ADGRF1: variants seen among roughly 807,000 people sequenced by gnomAD.
ADGRF1 encodes adhesion G protein-coupled receptor F1.
Under a neutral mutation model 87.2 loss-of-function variants are expected in ADGRF1, and 85 were observed. That is an observed-to-expected ratio of 0.97 (90% CI 0.82 to 1.17). The LOEUF is 1.17. ADGRF1 is among the 50% of genes most tolerant of loss of function. The pLI, the probability that ADGRF1 is intolerant of heterozygous loss-of-function variation, is 0.00. For missense variants in ADGRF1, 1,169 were observed against 1,077.2 expected, an observed-to-expected ratio of 1.09 and a Z score of -1.19; for synonymous variants, 430 against 408.8, an observed-to-expected ratio of 1.05 and a Z score of -0.63.
chr6:47,009,167 A>T lies in ADGRF1; in HGVS notation c.2268T>A (p.Ala756=), dbSNP rs748797812. Residue 756 remains alanine (A), a synonymous_variant, in exon 11 of 15, where the codon GCT becomes GCA. Transcript: ENST00000371253. ...CTAGCAGCACCACAACGAAGTTCAC[A>T]GCCACAATAGCCAGTGCAGGGACAA... ...AFVVPALAIV[A]VNFVVVLLVL... The T allele has an allele frequency of 6.2e-7, 1 of 1,614,190 alleles. No individual in the cohort carries two copies. Among genetic ancestry groups the T allele is most frequent in the Admixed American group, 1.7e-5 (1 of 60,016 alleles).
intron 1 of ADGRF1, among the ~76,000 whole-genome samples, chr6:47,038,683 T>C (rs1274769810): frequency 6.6e-6 from 1 of 152,230 alleles, no homozygotes; most frequent in Non-Finnish European, 1.5e-5. Flanking sequence ...TAGAATTTAT[T>C]CCCCCTGTCT....
rs143147951 is a variant in ADGRF1, at chr6:47,009,111, C to T, written c.2324G>A (p.Gly775Glu). The T allele has an allele frequency of 3.1e-5, 50 of 1,613,990 alleles. No individual in the cohort carries two copies. The highest frequency in any genetic ancestry group is 4.0e-5 in the Non-Finnish European group (47 of 1,180,024). The stretch of plus-strand genomic sequence containing the variant: ...CTTGTCATCCCGACTCAGTCTTTCC[C>T]CAACAGTCGGCCTCCAGAGCTTTGT... ...VLTKLWRPTVGERLSRDDKAT... is the reference protein window; with the variant it reads ...VLTKLWRPTVEERLSRDDKAT... Residue 775 changes from glycine to glutamate, a missense_variant, in exon 11 of 15, where the codon GGG (glycine) becomes GAG (glutamate). Gly to Glu is a moderately conservative substitution (Grantham distance 98). Coordinates refer to ENST00000371253, the MANE Select transcript of ADGRF1 (RefSeq NM_153840.4).
chr6:47,037,874 G>A (rs1780634277), intron 1 of ADGRF1, among the ~76,000 whole-genome samples: 1 of 151,598 alleles, frequency 6.6e-6, no homozygotes. Context: ...GTTTGTTTGT[G>A]TTTTGAGACG....
chr6:47,008,281 C>G (rs1457116542), intron 11 of ADGRF1, among the ~76,000 whole-genome samples: 4 of 152,188 alleles, frequency 2.6e-5, no homozygotes, highest in African/African-American at 9.6e-5. Context: ...TCATCAAAAC[C>G]TAATGATTGC....
At chr6:47,031,005 C>T (rs1055745187) in intron 1 of ADGRF1, among the ~76,000 whole-genome samples, 2 of 152,138 alleles carry the variant, frequency 1.3e-5, no homozygotes, top group African/African-American at 2.4e-5. Context: ...TCAAGTGATC[C>T]GCCTGCTTCG....
At chr6:47,030,661 T>C (rs1220656124) in intron 1 of ADGRF1, among the ~76,000 whole-genome samples, 1 of 151,752 alleles carries the variant, frequency 6.6e-6, no homozygotes, top group East Asian at 1.9e-4. Context: ...ATTTTATTAG[T>C]AAATTGCTAT....
Position 47,001,481 on chromosome 6 carries a change from T to C in ADGRF1, c.2659+20A>G. Reference sequence around the variant, plus strand: ...ACTCTTTTCACACCTTTTATAACCTTTGGTTTTATTGTAACTCACCTTTGT... The same window carrying C: ...ACTCTTTTCACACCTTTTATAACCTCTGGTTTTATTGTAACTCACCTTTGT... On this transcript the variant is annotated intron_variant, in intron 14 of 14. Transcript: ENST00000371253. 1 of 1,607,850 alleles carries C rather than the reference T, an allele frequency of 6.2e-7. No individual in the cohort carries two copies.
At position 47,010,336 on chromosome 6, in the gene ADGRF1, G is replaced by T; in HGVS notation, c.1117-18C>A. On this transcript the variant is annotated intron_variant, in intron 10 of 14. Transcript: ENST00000371253. ...ATGACATCCTGAAACACAAGGATGA[G>T]AGTCAGTTTGTGTTTTTGAGTAAAC... 6.4e-7 allele frequency: 1 copy of T among 1,568,560 alleles called. No individual in the cohort carries two copies. The highest frequency in any genetic ancestry group is 8.6e-7 in the Non-Finnish European group (1 of 1,157,642).
chr6:47,036,187 G>T (rs757224436), intron 1 of ADGRF1, among the ~76,000 whole-genome samples: 10 of 152,038 alleles, frequency 6.6e-5, no homozygotes, highest in Middle Eastern at 3.4e-3. Context: ...CCAAGATCGC[G>T]CCACTGCACT....
chr6:47,025,990 T>C lies in ADGRF1; in HGVS notation c.141A>G (p.Glu47=). The C allele has an allele frequency of 2.5e-6, 4 of 1,602,420 alleles. No homozygotes were observed. Among genetic ancestry groups the C allele is most frequent in the Non-Finnish European group, 1.7e-6 (2 of 1,174,386 alleles). ...AGGTCACCTGAAGCAGCAGCTGATA[T>C]TCTTCGACTGGGCCTAAAGAGAGAA... ...NKKKHLGPVE[E]YQLLLQVTYR... Residue 47 remains glutamate (E), a synonymous_variant, in exon 4 of 15, where the codon GAA becomes GAG. Coordinates refer to ENST00000371253, the MANE Select transcript of ADGRF1 (RefSeq NM_153840.4).
At chr6:47,012,720 G>A (rs1582152066) in intron 9 of ADGRF1, 2 of 985,500 alleles carry the variant, frequency 2.0e-6, no homozygotes, top group East Asian at 1.1e-4. Flanking sequence ...AAACATACAT[G>A]GAGATTTGAC....
At chr6:47,025,341 C>T (rs753994383) in intron 4 of ADGRF1, among the ~76,000 whole-genome samples, 6 of 152,136 alleles carry the variant, frequency 3.9e-5, no homozygotes, top group Admixed American at 1.3e-4. Flanking sequence ...TTCCCTAATG[C>T]TGCTGCTGCT....
intron 1 of ADGRF1, among the ~76,000 whole-genome samples, chr6:47,038,454 T>G (rs1331716754): frequency 6.6e-6 from 1 of 152,214 alleles, no homozygotes; most frequent in Non-Finnish European, 1.5e-5. Context: ...ATTTTAAATT[T>G]TATTTTTAAT....
intron 1 of ADGRF1, among the ~76,000 whole-genome samples, chr6:47,030,300 C>T (rs1215294484): frequency 2.0e-5 from 3 of 152,166 alleles, no homozygotes; most frequent in Non-Finnish European, 2.9e-5. Context: ...TTTGAATTTA[C>T]CTTTTCCTTT....
intron 1 of ADGRF1, among the ~76,000 whole-genome samples, chr6:47,031,705 G>A (rs1053830945): frequency 5.9e-5 from 9 of 152,056 alleles, no homozygotes; most frequent in Non-Finnish European, 1.2e-4. Context: ...GGACAGGTCA[G>A]GCCCAGCTAT....
intron 11 of ADGRF1, among the ~76,000 whole-genome samples, chr6:47,008,280 C>T (rs905698361): frequency 1.3e-5 from 2 of 152,182 alleles, no homozygotes; most frequent in Non-Finnish European, 2.9e-5. Flanking sequence ...TTCATCAAAA[C>T]CTAATGATTG....
intron 8 of ADGRF1, among the ~76,000 whole-genome samples, chr6:47,015,581 T>TTTATTTATTTA: frequency 6.6e-6 from 1 of 151,156 alleles, no homozygotes; most frequent in African/African-American, 2.4e-5. Context: ...TGGCTATTTA[T>TTTATTTATTTA]TTATTTATTT....
intron 1 of ADGRF1, among the ~76,000 whole-genome samples, chr6:47,038,964 A>T (rs1780665779): frequency 6.6e-6 from 1 of 152,250 alleles, no homozygotes; most frequent in African/African-American, 2.4e-5. Flanking sequence ...AAAGGTGTTC[A>T]TGGAAAATAT....
At chr6:47,011,959 C>G (rs756834228) in intron 10 of ADGRF1, 48 bp downstream of exon 10, 1 of 1,539,060 alleles carries the variant, frequency 6.5e-7, no homozygotes, top group Admixed American at 1.7e-5. Flanking sequence ...ATTCCTCCTA[C>G]AGGATCAAGC....
Sources: allele counts gnomAD v4.1 joint callset (sites outside exome capture counted in the v4.1 genomes callset), GRCh38; gene constraint gnomAD v4.1.1; transcripts MANE v1.5; gene names NCBI Gene and HGNC (gene_info 2026-07-23, HGNC 2026-07-21).